ERN1: variants seen among roughly 807,000 people sequenced by gnomAD.
ERN1 encodes endoplasmic reticulum to nucleus signaling 1, also known as serine/threonine-protein kinase/endoribonuclease IRE1.
ERN1 carries 39 observed loss-of-function variants against 113.1 expected under a neutral mutation model. The ratio of observed to expected loss-of-function variants is 0.34; its 90% CI spans 0.27 to 0.45. The LOEUF (loss-of-function observed/expected upper bound fraction) is 0.45, where lower values mean the gene tolerates loss of function less well. Among genes scored for constraint, ERN1 ranks in the 20% least tolerant of loss-of-function variants. The pLI is 1.00. For synonymous variants in ERN1, 507 were observed against 515.9 expected, an observed-to-expected ratio of 0.98 and a Z score of 0.23; for missense variants, 976 against 1,274.8, an observed-to-expected ratio of 0.77 and a Z score of 3.57.
chr17:64,128,394 T>G lies in ERN1; in HGVS notation c.54+1582A>C, dbSNP rs148535127. Among the ~76,000 whole-genome samples, 34 of 152,282 alleles carry G rather than the reference T, an allele frequency of 2.2e-4. No homozygotes were observed. In the East Asian group the frequency reaches 5.4e-3, roughly 24 times the overall value. The stretch of plus-strand genomic sequence containing the variant: ...TATTTTATCATGAACTCTGAGAAGT[T>G]TGGATTTCTAAATACAAATTGGAAA... On this transcript the variant is annotated intron_variant, in intron 1 of 21. Coordinates refer to ENST00000433197, the MANE Select transcript of ERN1 (RefSeq NM_001433.5).
chr17:64,115,375 C>T (rs1158946622), intron 1 of ERN1, among the ~76,000 whole-genome samples: 2 of 152,176 alleles, frequency 1.3e-5, no homozygotes, highest in South Asian at 4.1e-4. Flanking sequence ...AAGAAGGGTC[C>T]TGTTACACAC....
intron 1 of ERN1, among the ~76,000 whole-genome samples, chr17:64,114,633 T>C (rs1914758066): frequency 6.6e-6 from 1 of 152,184 alleles, no homozygotes; most frequent in Non-Finnish European, 1.5e-5. Flanking sequence ...AATCTTTTTT[T>C]TACGTGTCTT....
chr17:64,062,859 A>G (rs567758497), intron 10 of ERN1, among the ~76,000 whole-genome samples: 86 of 152,356 alleles, frequency 5.6e-4, no homozygotes, highest in African/African-American at 2.0e-3. Flanking sequence ...TGGTAAAAAT[A>G]AAATAAAAAT....
intron 2 of ERN1, among the ~76,000 whole-genome samples, chr17:64,087,115 T>C (rs573708831): frequency 1.5e-4 from 23 of 152,316 alleles, no homozygotes; most frequent in African/African-American, 5.1e-4. Flanking sequence ...CCCAGGAAGC[T>C]GGCTTTGTAG....
chr17:64,063,544 C>T lies in ERN1; in HGVS notation c.1087+442G>A, dbSNP rs1028232379. ...CAATCCATCCTGGGATTTAATCCCT[C>T]CCGGGTCCTCAGCCCTCGCCTCTCC... On this transcript the variant is annotated intron_variant, in intron 10 of 21. Coordinates refer to ENST00000433197, the MANE Select transcript of ERN1 (RefSeq NM_001433.5). This position sits in a 1 kb window ranked among gnomAD's most constrained non-coding sequence, Gnocchi z 5.1. Among the ~76,000 whole-genome samples the T allele has an allele frequency of 6.6e-6, 1 of 152,180 alleles. No homozygotes were observed. Among genetic ancestry groups the T allele is most frequent in the African/African-American group, 2.4e-5 (1 of 41,432 alleles).
intron 4 of ERN1, among the ~76,000 whole-genome samples, chr17:64,077,244 T>C (rs1446778287): frequency 6.6e-6 from 1 of 152,194 alleles, no homozygotes; most frequent in African/African-American, 2.4e-5. Context: ...CCTAGATCAG[T>C]GGTTCTCATC....
intron 12 of ERN1, 99 bp downstream of exon 12, chr17:64,057,703 A>C: frequency 8.7e-7 from 1 of 1,151,478 alleles, no homozygotes; most frequent in Non-Finnish European, 1.3e-6. Context: ...GGGGAAAGAA[A>C]TGTGCTGGTT....
intron 1 of ERN1, among the ~76,000 whole-genome samples, chr17:64,105,928 C>A (rs1914514566): frequency 6.6e-6 from 1 of 151,798 alleles, no homozygotes; most frequent in South Asian, 2.1e-4. Flanking sequence ...GCACTCCAGT[C>A]CAGCCTAGGC....
At position 64,063,906 on chromosome 17, in the gene ERN1, T is replaced by C. The variant is rs1403051472; in HGVS notation, c.1087+80A>G. On this transcript the variant is annotated intron_variant, in intron 10 of 21. Transcript: ENST00000433197. This position sits in a 1 kb window ranked among gnomAD's most constrained non-coding sequence, Gnocchi z 5.1. ...ACAAGGCCTTCCGAGCTCAGTACGGTGTAACTACCAGGGCCGGCGGTCGCC... is the reference window on the plus strand; with the variant it reads ...ACAAGGCCTTCCGAGCTCAGTACGGCGTAACTACCAGGGCCGGCGGTCGCC... 3 of 1,395,528 alleles carry C rather than the reference T, an allele frequency of 2.1e-6. No homozygotes were observed. Among genetic ancestry groups the C allele is most frequent in the Non-Finnish European group, 3.0e-6 (3 of 1,003,296 alleles). 86.4% of individuals were successfully genotyped at this position (1,395,528 alleles called of 1,614,324 possible).
At chr17:64,120,995 G>A (rs2143504616) in intron 1 of ERN1, among the ~76,000 whole-genome samples, 1 of 152,214 alleles carries the variant, frequency 6.6e-6, no homozygotes, top group East Asian at 1.9e-4. Context: ...TGCCACAGAG[G>A]ATGCAACCAT....
intron 17 of ERN1, among the ~76,000 whole-genome samples, chr17:64,050,295 C>T (rs746964682): frequency 3.3e-5 from 5 of 152,162 alleles, no homozygotes; most frequent in Non-Finnish European, 5.9e-5. Context: ...GGGTCTTTCA[C>T]GCCCCCCACA....
In ERN1 at chr17:64,079,735, C is replaced by G; in HGVS notation, c.210-1G>C. On this transcript the variant is annotated splice_acceptor_variant, in intron 3 of 21. Coordinates refer to ENST00000433197, the MANE Select transcript of ERN1 (RefSeq NM_001433.5). LOFTEE classifies it high-confidence loss of function. ...ATTAGGATCTGGGAGAAAGGCAGGC[C>G]TAGAGATTAAATAATAAATATCAAA... 6.2e-7 allele frequency: 1 copy of G among 1,612,174 alleles called. No homozygotes were observed. The highest frequency in any genetic ancestry group is 8.5e-7 in the Non-Finnish European group (1 of 1,178,528).
chr17:64,102,258 C>G (rs865863653), intron 1 of ERN1, among the ~76,000 whole-genome samples: 44 of 152,266 alleles, frequency 2.9e-4, no homozygotes, highest in African/African-American at 9.6e-4. Context: ...TGCACTCCAG[C>G]CTAGGCAACA....
At chr17:64,081,034 A>C (rs1354014835) in intron 2 of ERN1, among the ~76,000 whole-genome samples, 1 of 152,210 alleles carries the variant, frequency 6.6e-6, no homozygotes, top group East Asian at 1.9e-4. Context: ...ATAGTTACTG[A>C]GGCTGGATAG....
At position 64,080,897 on chromosome 17, in the gene ERN1, C is replaced by T. The variant is rs148376291; in HGVS notation, c.176-89G>A. On this transcript the variant is annotated intron_variant, in intron 2 of 21. Coordinates refer to ENST00000433197, the MANE Select transcript of ERN1 (RefSeq NM_001433.5). Reference sequence around the variant, plus strand: ...TTCCCAGGACCAGGCCAAGTTGTACCGGTAATAACTTTCTCCCTCCTGTTA... The same window carrying T: ...TTCCCAGGACCAGGCCAAGTTGTACTGGTAATAACTTTCTCCCTCCTGTTA... The T allele has an allele frequency of 1.3e-4, 180 of 1,344,802 alleles. No homozygotes were observed. The African/African-American group carries it at 1.9e-3, about 15-fold the overall frequency. 83.3% of individuals were successfully genotyped at this position (1,344,802 alleles called of 1,614,324 possible).
At chr17:64,115,861 A>G (rs142823128) in intron 1 of ERN1, among the ~76,000 whole-genome samples, 1 of 152,302 alleles carries the variant, frequency 6.6e-6, no homozygotes, top group East Asian at 1.9e-4. Flanking sequence ...GCTCTGAAGC[A>G]TGATGATCCA....
Position 64,044,628 on chromosome 17 carries a change from T to C in ERN1, c.2721+232A>G, listed in dbSNP as rs1912453623. ...CAGCGACCAGAGACCATGAGGGACA[T>C]GGGCCGCAGAGCACTGCTTCCCGGA... On this transcript the variant is annotated intron_variant, in intron 21 of 21. Transcript: ENST00000433197. This position sits in a 1 kb window ranked among gnomAD's most constrained non-coding sequence, Gnocchi z 4.1. 6.6e-6 allele frequency among the ~76,000 whole-genome samples: 1 copy of C among 152,216 alleles called. No homozygotes were observed. The highest frequency in any genetic ancestry group is 6.5e-5 in the Admixed American group (1 of 15,284).
chr17:64,114,071 A>G (rs1294286566), intron 1 of ERN1, among the ~76,000 whole-genome samples: 1 of 42,686 alleles, frequency 2.3e-5, no homozygotes, highest in East Asian at 6.9e-4. Flanking sequence ...GGTAAATGCT[A>G]AAAAAAAAAA....
At chr17:64,103,426 G>A (rs988913852) in intron 1 of ERN1, among the ~76,000 whole-genome samples, 1 of 151,510 alleles carries the variant, frequency 6.6e-6, no homozygotes, top group Non-Finnish European at 1.5e-5. Context: ...GAACCCAGGA[G>A]GCGGAGGCTG....
Sources: allele counts gnomAD v4.1 joint callset (sites outside exome capture counted in the v4.1 genomes callset), GRCh38; gene constraint gnomAD v4.1.1; non-coding constraint Gnocchi (gnomAD v3.1); transcripts MANE v1.5; gene names NCBI Gene and HGNC (gene_info 2026-07-23, HGNC 2026-07-21).